The following LRFN2 variants were observed in gnomAD, a reference collection of about 807,000 sequenced individuals.
LRFN2 encodes leucine rich repeat and fibronectin type III domain containing 2.
LRFN2 carries 18 observed loss-of-function variants against 37.3 expected under a neutral mutation model. The observed-to-expected ratio is 0.48, with a 90% CI of 0.33 to 0.72. LRFN2 has a LOEUF of 0.72. Among genes scored for constraint, LRFN2 ranks in the 30% least tolerant of loss-of-function variants. LRFN2 has a pLI of 0.02. For synonymous variants in LRFN2, 556 were observed against 466.6 expected (o/e 1.19, Z -2.47); for missense variants, 1,006 against 1,060.7 (o/e 0.95, Z 0.72).
At chr6:40,560,155 G>A (rs1200575942) in intron 1 of LRFN2, among the ~76,000 whole-genome samples, 1 of 152,228 alleles carries the variant, frequency 6.6e-6, no homozygotes, top group African/African-American at 2.4e-5. Context: ...AAACACAGAA[G>A]GTGCTAAATA....
intron 2 of LRFN2, among the ~76,000 whole-genome samples, chr6:40,409,897 G>C (rs1299662499): frequency 6.6e-6 from 1 of 152,196 alleles, no homozygotes; most frequent in Non-Finnish European, 1.5e-5. Flanking sequence ...CCTGCCTGCT[G>C]CCTCACCCCA....
chr6:40,570,891 C>T (rs1287402119), intron 1 of LRFN2, among the ~76,000 whole-genome samples: 1 of 152,246 alleles, frequency 6.6e-6, no homozygotes, highest in African/African-American at 2.4e-5. Context: ...AAGAAATGGA[C>T]AGGGCCAGTG....
intron 1 of LRFN2, among the ~76,000 whole-genome samples, chr6:40,536,040 A>G (rs1766442806): frequency 6.6e-6 from 1 of 152,114 alleles, no homozygotes; most frequent in African/African-American, 2.4e-5. Flanking sequence ...ATGGAAATAA[A>G]GAAGTTCATG....
intron 1 of LRFN2, among the ~76,000 whole-genome samples, chr6:40,480,034 A>G (rs1764791806): frequency 6.6e-6 from 1 of 152,242 alleles, no homozygotes; most frequent in African/African-American, 2.4e-5. Flanking sequence ...CGAAATCCTC[A>G]TGGCCTAGTA....
chr6:40,454,108 A>G (rs1217550637), intron 1 of LRFN2, among the ~76,000 whole-genome samples: 3 of 152,222 alleles, frequency 2.0e-5, no homozygotes, highest in Non-Finnish European at 2.9e-5. Context: ...GATGTCTAAC[A>G]TGCTCAATCT....
chr6:40,407,784 A>C (rs1482858945), intron 2 of LRFN2: 1 of 152,342 alleles, frequency 6.6e-6, no homozygotes, highest in African/African-American at 2.4e-5. Flanking sequence ...GCCAGTTGGC[A>C]GATCCATAAT....
At chr6:40,546,279 C>T (rs1028485943) in intron 1 of LRFN2, among the ~76,000 whole-genome samples, 58 of 152,278 alleles carry the variant, frequency 3.8e-4, no homozygotes, top group African/African-American at 1.2e-3. Flanking sequence ...CTGATGTGCC[C>T]ACTTGGTCTT....
chr6:40,586,628 G>T (rs538114880), intron 1 of LRFN2, among the ~76,000 whole-genome samples: 2 of 152,204 alleles, frequency 1.3e-5, no homozygotes, highest in East Asian at 3.9e-4. Context: ...GTTTTCAACG[G>T]TTCCATCCAC....
intron 2 of LRFN2, among the ~76,000 whole-genome samples, chr6:40,411,585 T>C (rs9471340): frequency 3.9e-4 from 59 of 152,184 alleles, no homozygotes; most frequent in African/African-American, 1.4e-3. Context: ...CCCTGCACTC[T>C]GTGCTTCAGC....
intron 1 of LRFN2, among the ~76,000 whole-genome samples, chr6:40,549,998 C>T (rs1268463435): frequency 6.6e-6 from 1 of 152,100 alleles, no homozygotes; most frequent in African/African-American, 2.4e-5. Flanking sequence ...TGTGCCATTG[C>T]ACTCCAGCCT....
chr6:40,456,910 G>A (rs1764246891), intron 1 of LRFN2, among the ~76,000 whole-genome samples: 1 of 152,128 alleles, frequency 6.6e-6, no homozygotes, highest in South Asian at 2.1e-4. Flanking sequence ...GGGAAAAATA[G>A]CATTCCCAGA....
rs562874211 is a variant in LRFN2, at chr6:40,438,704, G to A, written c.-18-5573C>T. ...GTGAACCAGCTGTTTGGCTACATGT[G>A]GGCACTTGTGTTTCCTGCTTGGGGT... On this transcript the variant is annotated intron_variant, in intron 1 of 2. Transcript: ENST00000338305. 3.3e-5 allele frequency among the ~76,000 whole-genome samples: 5 copies of A among 152,236 alleles called. No individual in the cohort carries two copies. The East Asian group carries it at 9.7e-4, about 30-fold the overall frequency.
intron 1 of LRFN2, among the ~76,000 whole-genome samples, chr6:40,535,347 C>G (rs564707827): frequency 6.6e-6 from 1 of 152,286 alleles, no homozygotes; most frequent in African/African-American, 2.4e-5. Context: ...GTTAGGCAGG[C>G]AGCTGTGTCC....
intron 2 of LRFN2, among the ~76,000 whole-genome samples, chr6:40,414,749 C>G (rs1180849541): frequency 6.6e-6 from 1 of 152,216 alleles, no homozygotes; most frequent in Admixed American, 6.5e-5. Context: ...CCCCCCCAGG[C>G]GGGGTCACTG....
intron 1 of LRFN2, among the ~76,000 whole-genome samples, chr6:40,566,465 C>A (rs1767092368): frequency 6.6e-6 from 1 of 152,112 alleles, no homozygotes; most frequent in Non-Finnish European, 1.5e-5. Flanking sequence ...TTCACAATAG[C>A]AAAGACTTGG....
At chr6:40,525,093 C>T (rs2065150386) in intron 1 of LRFN2, among the ~76,000 whole-genome samples, 1 of 152,196 alleles carries the variant, frequency 6.6e-6, no homozygotes, top group Non-Finnish European at 1.5e-5. Context: ...TTTTCCAGTC[C>T]TGGCCACCTC....
chr6:40,480,529 C>T (rs111711539), intron 1 of LRFN2, among the ~76,000 whole-genome samples: 15,306 of 152,106 alleles, frequency 0.1, 1,548 homozygotes, highest in African/African-American at 0.25. Flanking sequence ...CCTCCTGCTT[C>T]GGCCTCCCAA....
At chr6:40,571,989 G>A (rs898398321) in intron 1 of LRFN2, among the ~76,000 whole-genome samples, 4 of 152,174 alleles carry the variant, frequency 2.6e-5, no homozygotes, top group Non-Finnish European at 5.9e-5. Context: ...AACAGGGGGG[G>A]CTCCGAAACA....
chr6:40,449,810 G>A (rs1438850388), intron 1 of LRFN2, among the ~76,000 whole-genome samples: 1 of 152,114 alleles, frequency 6.6e-6, no homozygotes, highest in Non-Finnish European at 1.5e-5. Context: ...CCTAGCCATA[G>A]CACAATTGAC....
Sources: gnomAD v4.1 joint callset for allele counts (sites outside exome capture counted in the v4.1 genomes callset) on GRCh38, gnomAD v4.1.1 for gene constraint, MANE v1.5 for transcripts, NCBI Gene and HGNC (gene_info 2026-07-23, HGNC 2026-07-21) for gene names.